GALNT17: variants seen among roughly 807,000 people sequenced by gnomAD.
GALNT17 encodes polypeptide N-acetylgalactosaminyltransferase 17.
GALNT17 carries 29 observed loss-of-function variants against 63.7 expected under a neutral mutation model. That is an observed-to-expected ratio of 0.46 (90% CI 0.34 to 0.62). The LOEUF is 0.62. Among genes scored for constraint, GALNT17 ranks in the 20% least tolerant of loss-of-function variants. The probability of loss-of-function intolerance (pLI) is 0.01; values close to 1 mark genes in which losing one functional copy is unlikely to be tolerated. For synonymous variants in GALNT17, 305 were observed against 318.3 expected, an observed-to-expected ratio of 0.96 and a Z score of 0.45; for missense variants, 603 against 799.6, an observed-to-expected ratio of 0.75 and a Z score of 2.97.
chr7:71,271,863 G>A (rs999229060), intron 1 of GALNT17, among the ~76,000 whole-genome samples: 1 of 152,156 alleles, frequency 6.6e-6, no homozygotes, highest in Non-Finnish European at 1.5e-5. Flanking sequence ...AGGCTAAAGC[G>A]ATCCTCCCGC....
chr7:71,354,195 C>G (rs188920322), intron 2 of GALNT17, among the ~76,000 whole-genome samples: 34 of 152,334 alleles, frequency 2.2e-4, no homozygotes, highest in African/African-American at 8.2e-4. Flanking sequence ...GGTGGGGACA[C>G]AGACCCGTAC....
rs536816369 is a variant in GALNT17 at position 71,414,039 on chromosome 7, C to T, written c.590-1850C>T. Among the ~76,000 whole-genome samples the T allele has an allele frequency of 2.7e-4, 41 of 151,986 alleles. 4 individuals are homozygous for T. In the East Asian group the frequency reaches 2.9e-3, roughly 11 times the overall value. Reference sequence around the variant, plus strand: ...GGTGGATCACCTGAGGCCAGGAGTTCGAGACCAGCCTGACCAACATGGCGA... The same window carrying T: ...GGTGGATCACCTGAGGCCAGGAGTTTGAGACCAGCCTGACCAACATGGCGA... On this transcript the variant is annotated intron_variant, in intron 3 of 10. Transcript: ENST00000333538.
intron 9 of GALNT17, among the ~76,000 whole-genome samples, chr7:71,703,779 T>C (rs1584150265): frequency 6.6e-6 from 1 of 151,578 alleles, no homozygotes; most frequent in Non-Finnish European, 1.5e-5. Context: ...AAGAAAGGAG[T>C]GAATAATGGC....
At chr7:71,272,559 G>A (rs1790612657) in intron 1 of GALNT17, among the ~76,000 whole-genome samples, 1 of 148,248 alleles carries the variant, frequency 6.7e-6, no homozygotes, top group Admixed American at 6.7e-5. Context: ...TTTTGTACAT[G>A]GAAGGGCAGG....
chr7:71,621,589 G>GGATGGATGGATA (rs1295748740), intron 6 of GALNT17, among the ~76,000 whole-genome samples: 1 of 150,592 alleles, frequency 6.6e-6, no homozygotes, highest in Non-Finnish European at 1.5e-5. Flanking sequence ...ATGGATGGAT[G>GGATGGATGGATA]GACAGACAAT....
At chr7:71,540,761 C>A (rs1475250452) in intron 5 of GALNT17, among the ~76,000 whole-genome samples, 1 of 152,186 alleles carries the variant, frequency 6.6e-6, no homozygotes, top group Admixed American at 6.5e-5. Context: ...ATGTAATTCA[C>A]AAGCCAGAGC....
At chr7:71,281,870 C>G (rs527570384) in intron 1 of GALNT17, among the ~76,000 whole-genome samples, 2 of 152,190 alleles carry the variant, frequency 1.3e-5, no homozygotes, top group African/African-American at 4.8e-5. Flanking sequence ...AAAAAGTGAC[C>G]CATAGATTTC....
chr7:71,438,628 A>G (rs931840186), intron 5 of GALNT17, among the ~76,000 whole-genome samples: 7 of 152,328 alleles, frequency 4.6e-5, no homozygotes, highest in African/African-American at 1.7e-4. Context: ...TAAATGAGAT[A>G]ATACATGTAA....
intron 6 of GALNT17, among the ~76,000 whole-genome samples, chr7:71,638,264 G>A (rs763344361): frequency 2.0e-5 from 3 of 152,110 alleles, no homozygotes; most frequent in Non-Finnish European, 4.4e-5. Context: ...CTTCTTTACC[G>A]CAACTGTTTT....
chr7:71,134,847 T>G (rs1456555660), intron 1 of GALNT17, among the ~76,000 whole-genome samples: 1 of 119,754 alleles, frequency 8.4e-6, no homozygotes. Flanking sequence ...TTTTTTTTTT[T>G]TTTTTTTTTT....
At chr7:71,358,211 G>A (rs1411174928) in intron 2 of GALNT17, among the ~76,000 whole-genome samples, 7 of 152,088 alleles carry the variant, frequency 4.6e-5, no homozygotes, top group African/African-American at 1.4e-4. Flanking sequence ...AACCAACTGC[G>A]GACACAAAAC....
chr7:71,282,106 C>T (rs775305577), intron 1 of GALNT17, among the ~76,000 whole-genome samples: 8 of 152,198 alleles, frequency 5.3e-5, no homozygotes, highest in Non-Finnish European at 1.2e-4. Context: ...GGGGACAAAT[C>T]CTACAAGCAT....
chr7:71,606,761 G>A (rs148656296), intron 6 of GALNT17, among the ~76,000 whole-genome samples: 59 of 152,276 alleles, frequency 3.9e-4, no homozygotes, highest in African/African-American at 1.3e-3. Context: ...ATATGTGCTG[G>A]CAGGTATTCA....
chr7:71,412,254 A>T (rs1793442593), intron 3 of GALNT17, among the ~76,000 whole-genome samples: 1 of 152,164 alleles, frequency 6.6e-6, no homozygotes, highest in African/African-American at 2.4e-5. Context: ...GCAGTGAGCC[A>T]TGATTGCTCA....
intron 1 of GALNT17, among the ~76,000 whole-genome samples, chr7:71,187,286 C>CT (rs74272911): frequency 0.071 from 8,765 of 123,268 alleles, 377 homozygotes; most frequent in Middle Eastern, 0.12. Flanking sequence ...ATTTTTCTTT[C>CT]TTTTTTTTTT....
intron 1 of GALNT17, among the ~76,000 whole-genome samples, chr7:71,320,416 A>T (rs1791585400): frequency 6.6e-6 from 1 of 151,812 alleles, no homozygotes; most frequent in African/African-American, 2.4e-5. Flanking sequence ...TTGAAAAAAA[A>T]AAAAAAATTT....
At chr7:71,588,360 T>TA (rs1402726146) in intron 6 of GALNT17, among the ~76,000 whole-genome samples, 8 of 152,208 alleles carry the variant, frequency 5.3e-5, no homozygotes, top group African/African-American at 1.9e-4. Flanking sequence ...TGAGGTTTAA[T>TA]ATTTCTTTAT....
chr7:71,501,092 C>T (rs1384151133), intron 5 of GALNT17, among the ~76,000 whole-genome samples: 1 of 152,134 alleles, frequency 6.6e-6, no homozygotes, highest in Non-Finnish European at 1.5e-5. Context: ...GCCTCAGCCT[C>T]CTGAGTAGCT....
chr7:71,548,006 T>C (rs973396899), intron 5 of GALNT17, among the ~76,000 whole-genome samples: 3 of 152,038 alleles, frequency 2.0e-5, no homozygotes, highest in African/African-American at 4.8e-5. Context: ...GGCGGGTGGA[T>C]TGCTTGAAGT....
Sources: gnomAD v4.1 joint callset for allele counts (sites outside exome capture counted in the v4.1 genomes callset) on GRCh38, gnomAD v4.1.1 for gene constraint, MANE v1.5 for transcripts, NCBI Gene and HGNC (gene_info 2026-07-23, HGNC 2026-07-21) for gene names.